RNF212B: variants seen among roughly 807,000 people sequenced by gnomAD.
RNF212B encodes the protein ring finger protein 212B, also known as E3 ubiquitin-protein ligase RNF212B.
A neutral mutation model predicts 55.5 loss-of-function variants in RNF212B; 52 were observed. The ratio of observed to expected loss-of-function variants is 0.94; its 90% CI spans 0.75 to 1.18. The LOEUF (loss-of-function observed/expected upper bound fraction) is 1.18. RNF212B is among the 50% of genes most tolerant of loss of function. The probability of loss-of-function intolerance (pLI) is 0.00; values close to 1 mark genes in which losing one functional copy is unlikely to be tolerated. For missense variants in RNF212B, 289 were observed against 350.4 expected (o/e 0.82, Z 1.40); for synonymous variants, 99 against 121.4 (o/e 0.82, Z 1.21).
At chr14:23,193,243 G>A (rs1878297953) in intron 1 of RNF212B, 1 of 152,060 alleles carries the variant, frequency 6.6e-6, no homozygotes, top group Admixed American at 6.6e-5. Flanking sequence ...CATAGCCAAA[G>A]TATCAATCAA....
intron 14 of RNF212B, among the ~76,000 whole-genome samples, chr14:23,271,784 T>C (rs927895449): frequency 7.9e-5 from 12 of 152,122 alleles, no homozygotes; most frequent in East Asian, 7.7e-4. Context: ...TGGCCCCTAA[T>C]TGGATCTTGA....
At chr14:23,204,055 C>T (rs766702702) in intron 2 of RNF212B, among the ~76,000 whole-genome samples, 26 of 152,230 alleles carry the variant, frequency 1.7e-4, no homozygotes, top group Non-Finnish European at 2.8e-4. Context: ...CCTTAGCCCA[C>T]TTTTTGATGG....
chr14:23,256,584 C>T (rs1202446475), intron 4 of RNF212B, among the ~76,000 whole-genome samples: 1 of 152,102 alleles, frequency 6.6e-6, no homozygotes, highest in Non-Finnish European at 1.5e-5. Context: ...ATTGGCCAGG[C>T]TGGTCTCGAA....
intron 1 of RNF212B, among the ~76,000 whole-genome samples, chr14:23,187,317 C>A (rs1877695010): frequency 6.6e-6 from 1 of 152,130 alleles, no homozygotes; most frequent in South Asian, 2.1e-4. Context: ...CAAACACACA[C>A]AACCCCCACG....
intron 4 of RNF212B, among the ~76,000 whole-genome samples, chr14:23,250,482 C>CA (rs34825470): frequency 0.35 from 40,537 of 116,414 alleles, 7,073 homozygotes; most frequent in African/African-American, 0.54. Context: ...GACTCTGTCT[C>CA]AAAAAAAAAA....
chr14:23,204,769 GGTATTTTGATGGGGATTGTGTT>G (rs1297363438), intron 2 of RNF212B, among the ~76,000 whole-genome samples: 2 of 152,070 alleles, frequency 1.3e-5, no homozygotes, highest in Non-Finnish European at 2.9e-5. Flanking sequence ...GAATGATGGT[GGTATTTTGATGGGGATTGTGTT>G]GTATTTTGAT....
intron 2 of RNF212B, among the ~76,000 whole-genome samples, chr14:23,200,433 C>A (rs1368598452): frequency 6.6e-6 from 1 of 152,078 alleles, no homozygotes; most frequent in Non-Finnish European, 1.5e-5. Context: ...TCAAGCAATT[C>A]TCATGCCTCA....
At chr14:23,263,070 A>G (rs929950670) in intron 9 of RNF212B, 100 bp downstream of exon 9, 3 of 1,080,590 alleles carry the variant, frequency 2.8e-6, no homozygotes, top group African/African-American at 3.2e-5. Flanking sequence ...TTTTAGGTCT[A>G]TGTAGAAGTT....
intron 2 of RNF212B, among the ~76,000 whole-genome samples, chr14:23,198,186 C>T (rs1011377449): frequency 6.6e-6 from 1 of 152,146 alleles, no homozygotes; most frequent in African/African-American, 2.4e-5. Flanking sequence ...GTCTTGTCTT[C>T]TTTACTGAAA....
At chr14:23,231,096 CTAAG>C (rs772309566) in intron 2 of RNF212B, among the ~76,000 whole-genome samples, 73 of 152,014 alleles carry the variant, frequency 4.8e-4, no homozygotes, top group Non-Finnish European at 9.4e-4. Flanking sequence ...TTTGACTATT[CTAAG>C]TTTTTTGAAA....
chr14:23,187,737 G>A (rs1484405087), intron 1 of RNF212B, among the ~76,000 whole-genome samples: 1 of 152,002 alleles, frequency 6.6e-6, no homozygotes, highest in African/African-American at 2.4e-5. Flanking sequence ...CCTTCTTCTC[G>A]TAACTATGTG....
chr14:23,244,312 C>G lies in RNF212B; in HGVS notation c.154-10C>G. 1.3e-6 allele frequency: 2 copies of G among 1,516,596 alleles called. No homozygotes were observed. The highest frequency in any genetic ancestry group is 2.5e-5 in the East Asian group (1 of 40,680). The allele number at this position is 1,516,596 out of a possible 1,614,324, so 93.9% of individuals were successfully genotyped here. On this transcript the variant is annotated splice_polypyrimidine_tract_variant and intron_variant, in intron 3 of 14. Coordinates refer to ENST00000430154, the MANE Select transcript of RNF212B (RefSeq NM_001282322.3). ...GGATATTCTCACAGTGTGTATTGCT[C>G]TCTTCGTAGCTGAAGCCTCAGGAGA...
intron 5 of RNF212B, chr14:23,259,544 G>T (rs956001821): frequency 6.0e-6 from 1 of 165,934 alleles, no homozygotes; most frequent in Non-Finnish European, 1.3e-5. Context: ...CAATTTTAGT[G>T]TATGTGCTGC....
chr14:23,199,300 G>T (rs1453785376), intron 2 of RNF212B, among the ~76,000 whole-genome samples: 1 of 152,164 alleles, frequency 6.6e-6, no homozygotes, highest in Non-Finnish European at 1.5e-5. Context: ...CTTGAAGTGG[G>T]GAGGAGGCTT....
intron 4 of RNF212B, among the ~76,000 whole-genome samples, chr14:23,246,063 T>C (rs900534652): frequency 1.3e-5 from 2 of 152,106 alleles, no homozygotes; most frequent in African/African-American, 4.8e-5. Flanking sequence ...AATTCTTTAC[T>C]CACCTCAAGA....
In RNF212B at chr14:23,243,251, C is replaced by G. The variant is rs935358328; in HGVS notation, c.101-5C>G. 2 of 1,549,168 alleles carry G rather than the reference C, an allele frequency of 1.3e-6. No individual in the cohort carries two copies. Among genetic ancestry groups the G allele is most frequent in the Non-Finnish European group, 1.7e-6 (2 of 1,146,588 alleles). On this transcript the variant is annotated splice_region_variant and splice_polypyrimidine_tract_variant and intron_variant, in intron 2 of 14. Coordinates refer to ENST00000430154, the MANE Select transcript of RNF212B (RefSeq NM_001282322.3). ...GCCAAATATTTTTTTCCCTTTTCCT[C>G]CCAGAAAAATGTGCTGTTTGTGGAA... is the stretch of plus-strand genomic sequence containing the variant.
At chr14:23,256,655 A>AGC (rs1322071850) in intron 4 of RNF212B, among the ~76,000 whole-genome samples, 3 of 152,050 alleles carry the variant, frequency 2.0e-5, no homozygotes, top group Non-Finnish European at 4.4e-5. Context: ...TACAAGCATG[A>AGC]GCCACCACGC....
intron 2 of RNF212B, among the ~76,000 whole-genome samples, chr14:23,203,471 TTTTAGTCCCCC>T (rs1303801576): frequency 9.1e-6 from 1 of 109,546 alleles, no homozygotes; most frequent in African/African-American, 3.1e-5. Flanking sequence ...GTAGTTCTAC[TTTTAGTCCCCC>T]TTTTTTTTTT....
chr14:23,272,801 AC>A (rs1408542133), intron 14 of RNF212B, 21 bp from the exon 15 acceptor site: 2 of 1,524,704 alleles, frequency 1.3e-6, no homozygotes, highest in African/African-American at 2.8e-5. Context: ...ACCCACATCT[AC>A]CTTCTTGTCC....
Sources: allele counts gnomAD v4.1 joint callset (sites outside exome capture counted in the v4.1 genomes callset), GRCh38; gene constraint gnomAD v4.1.1; transcripts MANE v1.5; gene names NCBI Gene and HGNC (gene_info 2026-07-23, HGNC 2026-07-21).